Variants in PDE7B observed in about 807,000 individuals in gnomAD.
The protein encoded by PDE7B is 3',5'-cyclic-AMP phosphodiesterase 7B.
A neutral mutation model predicts 56.2 loss-of-function variants in PDE7B; 29 were observed. That is an observed-to-expected ratio of 0.52 (90% CI 0.38 to 0.70). PDE7B has a LOEUF of 0.70. PDE7B is among the 30% of genes least tolerant of loss of function. PDE7B has a pLI of 0.00. For synonymous variants in PDE7B, 197 were observed against 196.9 expected (o/e 1.00, Z 0.00); for missense variants, 490 against 565.0 (o/e 0.87, Z 1.35).
At chr6:135,890,101 G>A (rs907956795) in intron 1 of PDE7B, among the ~76,000 whole-genome samples, 1 of 152,066 alleles carries the variant, frequency 6.6e-6, no homozygotes, top group African/African-American at 2.4e-5. Flanking sequence ...GCAGGGACAT[G>A]AGTGTACCAA....
intron 2 of PDE7B, among the ~76,000 whole-genome samples, chr6:136,087,624 A>T (rs1235722453): frequency 6.6e-6 from 1 of 152,360 alleles, no homozygotes; most frequent in East Asian, 1.9e-4. Context: ...GCAATTAGAA[A>T]GCAGTAACTT....
chr6:136,087,815 G>A (rs960639389), intron 2 of PDE7B, among the ~76,000 whole-genome samples: 1 of 152,078 alleles, frequency 6.6e-6, no homozygotes, highest in Non-Finnish European at 1.5e-5. Flanking sequence ...CTGGTTTAGG[G>A]GTTGTAATGC....
At position 135,953,736 on chromosome 6, in the gene PDE7B, G is replaced by T. The variant is rs1221087932; in HGVS notation, c.82+6212G>T. ...AGTGAATAGATATTTTCAAGTGCATGTTGGCAATTTAGTAATGAACATCCT... is the reference window on the plus strand; with the variant it reads ...AGTGAATAGATATTTTCAAGTGCATTTTGGCAATTTAGTAATGAACATCCT... On this transcript the variant is annotated intron_variant, in intron 2 of 12. Transcript: ENST00000308191. Among the ~76,000 whole-genome samples, 3 of 152,220 alleles carry T rather than the reference G, an allele frequency of 2.0e-5. No individual in the cohort carries two copies. The East Asian group carries it at 5.8e-4, about 29-fold the overall frequency.
At chr6:136,082,514 G>A (rs1777223164) in intron 2 of PDE7B, among the ~76,000 whole-genome samples, 1 of 152,198 alleles carries the variant, frequency 6.6e-6, no homozygotes, top group Admixed American at 6.5e-5. Context: ...TCAGCTGAGG[G>A]CCAGTCATGC....
In PDE7B at chr6:136,057,813, G is replaced by A. The variant is rs571592334; in HGVS notation, c.83-50918G>A. Among the ~76,000 whole-genome samples, 12 of 151,982 alleles carry A rather than the reference G, an allele frequency of 7.9e-5. No homozygotes were observed. The South Asian group carries it at 8.3e-4, about 11-fold the overall frequency. On this transcript the variant is annotated intron_variant, in intron 2 of 12. Coordinates refer to ENST00000308191, the MANE Select transcript of PDE7B (RefSeq NM_018945.4). ...GTGCAGTGGTGCCATCTCAGCTCAC[G>A]GCGACCTCCACCTCCCAGGTTCAAG...
chr6:135,877,037 C>A (rs919586419), intron 1 of PDE7B, among the ~76,000 whole-genome samples: 1 of 151,840 alleles, frequency 6.6e-6, no homozygotes, highest in African/African-American at 2.4e-5. Context: ...TCTTTAATTA[C>A]CATATATCTC....
At chr6:136,185,375 T>C (rs915324867) in intron 11 of PDE7B, among the ~76,000 whole-genome samples, 4 of 152,108 alleles carry the variant, frequency 2.6e-5, no homozygotes, top group African/African-American at 9.7e-5. Flanking sequence ...ACTAGCAACA[T>C]ACTGGGTCAG....
chr6:136,159,519 C>T (rs769101040), intron 8 of PDE7B, among the ~76,000 whole-genome samples: 5 of 152,152 alleles, frequency 3.3e-5, no homozygotes, highest in Non-Finnish European at 5.9e-5. Flanking sequence ...GCAGTGCTAT[C>T]GTTTCTTCAA....
chr6:135,912,014 C>G (rs1051242028), intron 1 of PDE7B, among the ~76,000 whole-genome samples: 3 of 152,146 alleles, frequency 2.0e-5, no homozygotes, highest in Non-Finnish European at 4.4e-5. Flanking sequence ...AGTTCTAGAG[C>G]TATAGAATTT....
chr6:136,144,010 A>AT (rs1257442656), intron 3 of PDE7B, among the ~76,000 whole-genome samples: 1 of 152,040 alleles, frequency 6.6e-6, no homozygotes, highest in Non-Finnish European at 1.5e-5. Flanking sequence ...AGATGGGGGA[A>AT]TTTTAAAGAA....
intron 3 of PDE7B, among the ~76,000 whole-genome samples, chr6:136,140,471 T>C (rs1374700588): frequency 6.6e-6 from 1 of 152,204 alleles, no homozygotes; most frequent in East Asian, 1.9e-4. Context: ...TTTGGTTCCA[T>C]ATGAACTTTA....
chr6:136,035,908 T>TCTCTGTTCTTAACCC (rs1407326968), intron 2 of PDE7B, among the ~76,000 whole-genome samples: 1 of 152,238 alleles, frequency 6.6e-6, no homozygotes, highest in African/African-American at 2.4e-5. Context: ...ATATTTGTTT[T>TCTCTGTTCTTAACCC]CTTTGTTCTT....
At chr6:136,170,200 T>C (rs565433883) in intron 8 of PDE7B, among the ~76,000 whole-genome samples, 1 of 152,278 alleles carries the variant, frequency 6.6e-6, no homozygotes, top group Non-Finnish European at 1.5e-5. Flanking sequence ...GGGCATAATA[T>C]AATGGGATGG....
intron 3 of PDE7B, among the ~76,000 whole-genome samples, chr6:136,139,050 T>C (rs986760465): frequency 6.6e-6 from 1 of 152,172 alleles, no homozygotes; most frequent in Non-Finnish European, 1.5e-5. Flanking sequence ...ACATGTGCCA[T>C]GTTGGTGTGC....
intron 2 of PDE7B, among the ~76,000 whole-genome samples, chr6:135,970,570 C>T (rs1235354177): frequency 1.3e-5 from 2 of 152,134 alleles, no homozygotes; most frequent in Non-Finnish European, 2.9e-5. Context: ...AACAAGTTCC[C>T]ACTGATGCTG....
At chr6:135,921,238 G>A (rs1349150114) in intron 1 of PDE7B, among the ~76,000 whole-genome samples, 1 of 152,128 alleles carries the variant, frequency 6.6e-6, no homozygotes, top group Non-Finnish European at 1.5e-5. Context: ...CCATGTGGCA[G>A]CATGCAGATG....
intron 2 of PDE7B, among the ~76,000 whole-genome samples, chr6:136,086,149 A>T (rs1055180481): frequency 6.6e-6 from 1 of 152,056 alleles, no homozygotes; most frequent in Non-Finnish European, 1.5e-5. Flanking sequence ...TCTTTCCATT[A>T]TTCTGTTTTC....
At chr6:136,159,944 G>A (rs1358755683) in intron 8 of PDE7B, among the ~76,000 whole-genome samples, 1 of 152,100 alleles carries the variant, frequency 6.6e-6, no homozygotes, top group African/African-American at 2.4e-5. Flanking sequence ...CTGTGTTGGT[G>A]GTGTATTAAA....
intron 10 of PDE7B, among the ~76,000 whole-genome samples, chr6:136,180,251 C>T (rs1008944788): frequency 2.6e-5 from 4 of 152,182 alleles, no homozygotes; most frequent in African/African-American, 9.7e-5. Flanking sequence ...GGCTTCTAGT[C>T]CCTGAATGCC....
Sources: allele counts gnomAD v4.1 joint callset (sites outside exome capture counted in the v4.1 genomes callset), GRCh38; gene constraint gnomAD v4.1.1; transcripts MANE v1.5; gene names NCBI Gene and HGNC (gene_info 2026-07-23, HGNC 2026-07-21).